Variants in OGDH observed in about 807,000 individuals in gnomAD.
OGDH encodes 2-oxoglutarate dehydrogenase complex component E1.
Under a neutral mutation model 116.6 loss-of-function variants are expected in OGDH, and 38 were observed. The ratio of observed to expected loss-of-function variants is 0.33; its 90% CI spans 0.25 to 0.43. The LOEUF is 0.43. Among genes scored for constraint, OGDH ranks in the 20% least tolerant of loss-of-function variants. OGDH has a pLI of 1.00. For synonymous variants in OGDH, 488 were observed against 533.3 expected (o/e 0.92, Z 1.17); for missense variants, 825 against 1,357.2 (o/e 0.61, Z 6.16).
intron 2 of OGDH, among the ~76,000 whole-genome samples, chr7:44,625,156 C>G (rs1785155543): frequency 6.6e-6 from 1 of 151,932 alleles, no homozygotes; most frequent in Non-Finnish European, 1.5e-5. Flanking sequence ...AGACAGAGTC[C>G]CACTGTTGTC....
At chr7:44,619,839 C>A (rs1418010318) in intron 1 of OGDH, among the ~76,000 whole-genome samples, 1 of 151,878 alleles carries the variant, frequency 6.6e-6, no homozygotes. Flanking sequence ...GTTAGTATAT[C>A]TTCTTTGGAC....
Position 44,606,628 on chromosome 7 carries a change from T to G in OGDH, c.-53T>G, listed in dbSNP as rs1326220747. On this transcript the variant is annotated 5_prime_UTR_variant, in exon 1 of 23. Transcript: ENST00000222673. ...CCCGGAGTGGGGTGTCGGCGCCTCA[T>G]TCGGGTGGAGCTGAGCCGGAGACAG... The G allele has an allele frequency of 1.3e-5, 2 of 152,214 alleles. No homozygotes were observed. Among genetic ancestry groups the G allele is most frequent in the African/African-American group, 4.8e-5 (2 of 41,450 alleles). 9.4% of individuals were successfully genotyped at this position (152,214 alleles called of 1,614,324 possible).
At chr7:44,652,432 G>A (rs920621396) in intron 4 of OGDH, among the ~76,000 whole-genome samples, 2 of 152,132 alleles carry the variant, frequency 1.3e-5, no homozygotes, top group South Asian at 2.1e-4. Context: ...TTAATGAAGT[G>A]TTAAAGTTAG....
intron 2 of OGDH, among the ~76,000 whole-genome samples, chr7:44,628,300 CAGTCCATG>C (rs1785286808): frequency 6.6e-6 from 1 of 152,136 alleles, no homozygotes; most frequent in South Asian, 2.1e-4. Context: ...AATTTTTTCT[CAGTCCATG>C]TTTAAATATT....
In OGDH at chr7:44,624,398, A is replaced by AC; in HGVS notation, c.56dup (p.Val20CysfsTer2). On this transcript the variant is annotated frameshift_variant, in exon 2 of 23. Transcript: ENST00000222673. LOFTEE classifies it high-confidence loss of function. ...GTTGAGGCCATTGACGGCTTCCCAGACTGTTAAGACATTTTCACAAAACAG... is the reference window on the plus strand; with the variant it reads ...GTTGAGGCCATTGACGGCTTCCCAGACCTGTTAAGACATTTTCACAAAACAG... 1 of 1,609,220 alleles carries AC rather than the reference A, an allele frequency of 6.2e-7. No homozygotes were observed. The highest frequency in any genetic ancestry group is 1.1e-5 in the South Asian group (1 of 90,838).
Position 44,645,624 on chromosome 7 carries a change from T to A in OGDH, c.414+106T>A, listed in dbSNP as rs1024519. Reference sequence around the variant, plus strand: ...TGAGTGTATGTTGTCACTTTACTTATACCTCCTCAAATACTAGGTGCTTTC... The same window carrying A: ...TGAGTGTATGTTGTCACTTTACTTAAACCTCCTCAAATACTAGGTGCTTTC... On this transcript the variant is annotated intron_variant, in intron 3 of 22. Coordinates refer to ENST00000222673, the MANE Select transcript of OGDH (RefSeq NM_002541.4). 15 of 1,047,686 alleles carry A rather than the reference T, an allele frequency of 1.4e-5. No individual in the cohort carries two copies. The East Asian group carries it at 3.9e-4, about 28-fold the overall frequency. 64.9% of individuals were successfully genotyped at this position (1,047,686 alleles called of 1,614,324 possible).
intron 4 of OGDH, among the ~76,000 whole-genome samples, chr7:44,655,497 C>T (rs1179592479): frequency 6.6e-6 from 1 of 152,210 alleles, no homozygotes; most frequent in African/African-American, 2.4e-5. Context: ...TTTCTCTGCA[C>T]TCCCAGTACA....
At chr7:44,685,919 T>C (rs1164496331) in intron 10 of OGDH, among the ~76,000 whole-genome samples, 2 of 152,188 alleles carry the variant, frequency 1.3e-5, no homozygotes, top group African/African-American at 4.8e-5. Context: ...CCACTGTGCC[T>C]GACTGAAATC....
At chr7:44,666,976 G>GTAACTCTGTCTC in intron 5 of OGDH, 125 bp downstream of exon 5, 1 of 617,172 alleles carries the variant, frequency 1.6e-6, no homozygotes, top group Non-Finnish European at 2.7e-6. Flanking sequence ...CTCTGAGACA[G>GTAACTCTGTCTC]AGTTACTGTC....
At position 44,644,240 on chromosome 7, in the gene OGDH, CTTT is replaced by C. The variant is rs558548025; in HGVS notation, c.223-1085_223-1083del. On this transcript the variant is annotated intron_variant, in intron 2 of 22. Coordinates refer to ENST00000222673, the MANE Select transcript of OGDH (RefSeq NM_002541.4). ...TAAACTGATGTTTAATTGTGCTTTTCTTTTCTTTTTACAATGAACTTTTGTGAA... is the reference window on the plus strand; with the variant it reads ...TAAACTGATGTTTAATTGTGCTTTTCTCTTTTTACAATGAACTTTTGTGAA... Among the ~76,000 whole-genome samples, 265 of 150,932 alleles carry C rather than the reference CTTT, an allele frequency of 1.8e-3. 2 individuals carry two copies. The highest frequency in any genetic ancestry group is 5.5e-3 in the African/African-American group (220 of 40,306).
intron 2 of OGDH, among the ~76,000 whole-genome samples, chr7:44,640,597 A>G (rs371326469): frequency 2.6e-5 from 4 of 152,162 alleles, no homozygotes; most frequent in African/African-American, 9.7e-5. Context: ...ACAGCTGGAG[A>G]GACTCTTGAT....
chr7:44,689,392 C>CTTTTTTTTT (rs561058807), intron 10 of OGDH, among the ~76,000 whole-genome samples: 10 of 71,214 alleles, frequency 1.4e-4, no homozygotes, highest in Non-Finnish European at 1.9e-4. Context: ...ATTTTTTTTT[C>CTTTTTTTTT]TTTTTTTTTT....
At chr7:44,616,861 A>G (rs1585220376) in intron 1 of OGDH, among the ~76,000 whole-genome samples, 1 of 100,630 alleles carries the variant, frequency 9.9e-6, no homozygotes, top group East Asian at 3.8e-4. Flanking sequence ...ATATATACAC[A>G]TATATATATA....
At chr7:44,617,537 G>A (rs1197223807) in intron 1 of OGDH, among the ~76,000 whole-genome samples, 2 of 152,162 alleles carry the variant, frequency 1.3e-5, no homozygotes, top group African/African-American at 4.8e-5. Context: ...GTAATGAGGT[G>A]TCACTAGTGA....
At chr7:44,666,600 G>A in intron 4 of OGDH, 136 bp from the exon 5 acceptor site, 1 of 419,666 alleles carries the variant, frequency 2.4e-6, no homozygotes, top group Non-Finnish European at 4.3e-6. Flanking sequence ...ACATATATCA[G>A]GGGCTTTTTA....
intron 1 of OGDH, among the ~76,000 whole-genome samples, chr7:44,615,120 C>T (rs575772251): frequency 6.6e-6 from 1 of 152,274 alleles, no homozygotes; most frequent in South Asian, 2.1e-4. Context: ...TATGAGCCAC[C>T]ATGCCCGGAC....
intron 1 of OGDH, among the ~76,000 whole-genome samples, chr7:44,614,247 T>G (rs1240229344): frequency 6.6e-6 from 1 of 151,366 alleles, no homozygotes; most frequent in Non-Finnish European, 1.5e-5. Context: ...TTTTTTTTTT[T>G]CTTGTGTATA....
chr7:44,647,381 C>CT, intron 3 of OGDH: 1 of 1,157,016 alleles, frequency 8.6e-7, no homozygotes, highest in Admixed American at 2.0e-5. Context: ...ACCTGTGACT[C>CT]TTTTAACCCT....
At position 44,675,961 on chromosome 7, in the gene OGDH, C is replaced by T; in HGVS notation, c.1027-9C>T. ...GGCCAGGGTGCAAATTCACTGTTTA[C>T]CCCATCAGGGCTCCGGAGATGTGAA... On this transcript the variant is annotated splice_polypyrimidine_tract_variant and intron_variant, in intron 8 of 22. Transcript: ENST00000222673. 1.2e-6 allele frequency: 2 copies of T among 1,612,650 alleles called. No homozygotes were observed. Among genetic ancestry groups the T allele is most frequent in the Non-Finnish European group, 1.7e-6 (2 of 1,178,836 alleles).
Sources: allele counts gnomAD v4.1 joint callset (sites outside exome capture counted in the v4.1 genomes callset), GRCh38; gene constraint gnomAD v4.1.1; transcripts MANE v1.5; gene names NCBI Gene and HGNC (gene_info 2026-07-23, HGNC 2026-07-21).